Variants in RADIL observed in about 807,000 individuals in gnomAD.
RADIL encodes ras-associating and dilute domain-containing protein.
In RADIL, 99 loss-of-function variants were observed where a neutral mutation model predicts 97.6. The observed-to-expected ratio is 1.01, with a 90% CI of 0.86 to 1.20. RADIL has a LOEUF of 1.20. Among genes scored for constraint, RADIL ranks in the 50% most tolerant of loss-of-function variants. The pLI is 0.00. For synonymous variants in RADIL, 803 were observed against 691.8 expected, an observed-to-expected ratio of 1.16 and a Z score of -2.52; for missense variants, 1,765 against 1,498.9, an observed-to-expected ratio of 1.18 and a Z score of -2.93.
intron 2 of RADIL, among the ~76,000 whole-genome samples, chr7:4,844,502 A>ATTG (rs1462657176): frequency 6.6e-6 from 1 of 152,228 alleles, no homozygotes; most frequent in African/African-American, 2.4e-5. Flanking sequence ...AGACAATGTG[A>ATTG]TTGTGTATGT....
chr7:4,854,386 T>C lies in RADIL; in HGVS notation c.536-17781A>G, dbSNP rs1312377138. ...GGAGGGTGGTGTTTGGTTTTTGTCA[T>C]TGTTGATAAAGAGGTTACCACTTTG... On this transcript the variant is annotated intron_variant, in intron 2 of 14. Coordinates refer to ENST00000399583, the MANE Select transcript of RADIL (RefSeq NM_018059.5). The surrounding 1 kb of genome is among the most constrained non-coding windows in gnomAD (Gnocchi z 5.1). 1.3e-5 allele frequency among the ~76,000 whole-genome samples: 2 copies of C among 152,176 alleles called. No homozygotes were observed. Among genetic ancestry groups the C allele is most frequent in the Non-Finnish European group, 2.9e-5 (2 of 68,028 alleles).
At chr7:4,801,148 A>G (rs572176187) in intron 12 of RADIL, among the ~76,000 whole-genome samples, 1 of 152,322 alleles carries the variant, frequency 6.6e-6, no homozygotes, top group East Asian at 1.9e-4. Context: ...AGAGATGCAC[A>G]CACAATGCAC....
chr7:4,800,084 G>C, intron 13 of RADIL, 87 bp downstream of exon 13: 1 of 1,449,338 alleles, frequency 6.9e-7, no homozygotes, highest in Non-Finnish European at 9.2e-7. Flanking sequence ...GTAGCCACGT[G>C]GCCACGCAAG....
intron 2 of RADIL, among the ~76,000 whole-genome samples, chr7:4,862,905 A>AG (rs1288662401): frequency 6.6e-6 from 1 of 151,408 alleles, no homozygotes; most frequent in Non-Finnish European, 1.5e-5. Flanking sequence ...CTCAAAAAAA[A>AG]AAATAAAATT....
At chr7:4,827,028 T>C (rs1783001708) in intron 5 of RADIL, among the ~76,000 whole-genome samples, 1 of 152,080 alleles carries the variant, frequency 6.6e-6, no homozygotes, top group South Asian at 2.1e-4. Context: ...TGAAAGGGGA[T>C]GTGGTACTCA....
chr7:4,816,502 C>A (rs191075938), intron 7 of RADIL, 37 bp from the exon 8 acceptor site: 13 of 1,560,996 alleles, frequency 8.3e-6, no homozygotes, highest in Non-Finnish European at 1.1e-5. Flanking sequence ...ACCAGCATTT[C>A]CAGGAGCGCT....
At chr7:4,828,761 C>T (rs1783063636) in intron 5 of RADIL, among the ~76,000 whole-genome samples, 1 of 152,196 alleles carries the variant, frequency 6.6e-6, no homozygotes, top group African/African-American at 2.4e-5. Flanking sequence ...GCCCCCCAGG[C>T]ATGCAAGAGG....
At chr7:4,845,732 TAG>T (rs1340878707) in intron 2 of RADIL, among the ~76,000 whole-genome samples, 3 of 152,196 alleles carry the variant, frequency 2.0e-5, no homozygotes, top group African/African-American at 7.2e-5. Flanking sequence ...TCACACTAAT[TAG>T]AGTCTTACTC....
chr7:4,831,454 T>C (rs1783136780), intron 5 of RADIL, among the ~76,000 whole-genome samples: 1 of 151,358 alleles, frequency 6.6e-6, no homozygotes. Flanking sequence ...ACCTGGGTGA[T>C]GAAATCATCT....
intron 9 of RADIL, chr7:4,806,162 T>G (rs1051621597): frequency 1.3e-6 from 1 of 751,636 alleles, no homozygotes; most frequent in Admixed American, 6.3e-5. Flanking sequence ...TGTTTGCTTG[T>G]TTTTTGAGAC....
At position 4,840,400 on chromosome 7, in the gene RADIL, G is replaced by A. The variant is rs566535433; in HGVS notation, c.536-3795C>T. 1.3e-5 allele frequency among the ~76,000 whole-genome samples: 2 copies of A among 152,170 alleles called. No homozygotes were observed. The highest frequency in any genetic ancestry group is 4.1e-4 in the South Asian group (2 of 4,822). ...AGACAGGAGCCGAGGCACGTGGAGAGCATCCCTCGTGATGCTGACCCCAGC... is the reference window on the plus strand; with the variant it reads ...AGACAGGAGCCGAGGCACGTGGAGAACATCCCTCGTGATGCTGACCCCAGC... On this transcript the variant is annotated intron_variant, in intron 2 of 14. Coordinates refer to ENST00000399583, the MANE Select transcript of RADIL (RefSeq NM_018059.5). The surrounding 1 kb of genome is among the most constrained non-coding windows in gnomAD (Gnocchi z 5.6).
In RADIL at chr7:4,799,373, C is replaced by G. The variant is rs778908331; in HGVS notation, c.*5G>C. The G allele has an allele frequency of 3.1e-6, 5 of 1,612,612 alleles. No homozygotes were observed. The highest frequency in any genetic ancestry group is 2.7e-5 in the African/African-American group (2 of 74,888). On this transcript the variant is annotated 3_prime_UTR_variant, in exon 15 of 15. Coordinates refer to ENST00000399583, the MANE Select transcript of RADIL (RefSeq NM_018059.5). ...CGGGCCTGTGGGGGTGTCCTCGCAG[C>G]CCCCCTAGAGAGGGGGCGTGCGGAA...
At chr7:4,809,551 C>A in intron 9 of RADIL, 2 of 985,470 alleles carry the variant, frequency 2.0e-6, no homozygotes, top group South Asian at 4.7e-5. Flanking sequence ...CCCAGGCCCG[C>A]CCAGGCACCA....
chr7:4,825,411 T>C (rs930257033), intron 5 of RADIL, among the ~76,000 whole-genome samples: 3 of 152,162 alleles, frequency 2.0e-5, no homozygotes, highest in Non-Finnish European at 4.4e-5. Flanking sequence ...AGCCTATGCA[T>C]GCCTGTCGCG....
rs1041710074 is a variant in RADIL at position 4,815,993 on chromosome 7, CCT to C, written c.1966+233_1966+234del. ...TCACGGGGAAGGGGTCCCATGCAGA[CCT>C]CTCGGCCGTGGCTTCTCTGAAACCC... is the stretch of plus-strand genomic sequence containing the variant. On this transcript the variant is annotated intron_variant, in intron 8 of 14. Transcript: ENST00000399583. The surrounding 1 kb of genome is among the most constrained non-coding windows in gnomAD (Gnocchi z 8.0). Among the ~76,000 whole-genome samples the C allele has an allele frequency of 6.6e-6, 1 of 152,190 alleles. No individual in the cohort carries two copies. Among genetic ancestry groups the C allele is most frequent in the Non-Finnish European group, 1.5e-5 (1 of 68,020 alleles).
intron 2 of RADIL, among the ~76,000 whole-genome samples, chr7:4,838,224 C>A (rs1158938257): frequency 4.6e-5 from 7 of 152,184 alleles, no homozygotes; most frequent in Admixed American, 4.6e-4. Context: ...CTCATCCCAC[C>A]CGCCACTCCC....
At chr7:4,832,277 C>G in intron 4 of RADIL, 99 bp from the exon 5 acceptor site, 1 of 1,179,706 alleles carries the variant, frequency 8.5e-7, no homozygotes, top group Middle Eastern at 1.9e-4. Context: ...ACAAGCCATG[C>G]TGCCCCAGGC....
At chr7:4,851,746 C>A (rs1191910502) in intron 2 of RADIL, among the ~76,000 whole-genome samples, 1 of 152,188 alleles carries the variant, frequency 6.6e-6, no homozygotes, top group Non-Finnish European at 1.5e-5. Context: ...AATTAAAGAA[C>A]TGTTCAGCAA....
Position 4,843,003 on chromosome 7 carries a change from A to ATTTT in RADIL, c.536-6402_536-6399dup, listed in dbSNP as rs376252570. 2.0e-3 allele frequency among the ~76,000 whole-genome samples: 251 copies of ATTTT among 127,316 alleles called. 3 individuals carry two copies. The East Asian group carries it at 0.044, about 22-fold the overall frequency. 83.5% of individuals were successfully genotyped at this position (127,316 alleles called of 152,430 possible). A position where few individuals can be genotyped will look rare whatever the true frequency, so the allele number is the denominator to read the frequency against. Reference sequence around the variant, plus strand: ...GCACCCCCATGCCCGGCAAGAGACAATTTTTTTTTTTTTTTTTTTTTGAGA... The same window carrying ATTTT: ...GCACCCCCATGCCCGGCAAGAGACAATTTTTTTTTTTTTTTTTTTTTTTTTGAGA... On this transcript the variant is annotated intron_variant, in intron 2 of 14. Transcript: ENST00000399583.
Sources: allele counts gnomAD v4.1 joint callset (sites outside exome capture counted in the v4.1 genomes callset), GRCh38; gene constraint gnomAD v4.1.1; non-coding constraint Gnocchi (gnomAD v3.1); transcripts MANE v1.5; gene names NCBI Gene and HGNC (gene_info 2026-07-23, HGNC 2026-07-21).